ADCY8: variants seen among roughly 807,000 people sequenced by gnomAD.
The protein encoded by ADCY8 is adenylate cyclase 8.
ADCY8 carries 51 observed loss-of-function variants against 119.7 expected under a neutral mutation model. The ratio of observed to expected loss-of-function variants is 0.43; its 90% confidence interval spans 0.34 to 0.54. ADCY8 has a LOEUF of 0.54. Ranked by LOEUF, ADCY8 falls within the 20% of genes least tolerant of loss-of-function variation. The pLI, the probability that ADCY8 is intolerant of heterozygous loss-of-function variation, is 0.03. For synonymous variants in ADCY8, 665 were observed against 651.0 expected, an observed-to-expected ratio of 1.02 and a Z score of -0.33; for missense variants, 1,383 against 1,598.8, an observed-to-expected ratio of 0.87 and a Z score of 2.30.
At chr8:130,892,981 G>A (rs1305409196) in intron 7 of ADCY8, among the ~76,000 whole-genome samples, 1 of 152,112 alleles carries the variant, frequency 6.6e-6, no homozygotes, top group Admixed American at 6.6e-5. Context: ...GCTAATCCTA[G>A]ATGCTTGCCT....
At chr8:130,907,782 C>T (rs889920419) in intron 6 of ADCY8, among the ~76,000 whole-genome samples, 12 of 152,142 alleles carry the variant, frequency 7.9e-5, no homozygotes, top group African/African-American at 2.7e-4. Flanking sequence ...GGTATATGTG[C>T]AGCTTTGTTA....
At chr8:130,967,087 C>A (rs915826874) in intron 2 of ADCY8, among the ~76,000 whole-genome samples, 1 of 152,050 alleles carries the variant, frequency 6.6e-6, no homozygotes, top group African/African-American at 2.4e-5. Flanking sequence ...ATTTTTGTTG[C>A]CAAAATCTTG....
intron 9 of ADCY8, among the ~76,000 whole-genome samples, chr8:130,854,340 T>G (rs1476137590): frequency 6.6e-6 from 1 of 152,224 alleles, no homozygotes; most frequent in Non-Finnish European, 1.5e-5. Context: ...TTCTAGACAT[T>G]AAGTCCTAAT....
intron 2 of ADCY8, among the ~76,000 whole-genome samples, chr8:130,972,763 A>G (rs1821960532): frequency 6.6e-6 from 1 of 152,172 alleles, no homozygotes; most frequent in Non-Finnish European, 1.5e-5. Flanking sequence ...ACCTGTGAGA[A>G]GAAAGTAATT....
intron 2 of ADCY8, among the ~76,000 whole-genome samples, chr8:130,982,201 T>C (rs1048755272): frequency 2.6e-5 from 4 of 152,160 alleles, no homozygotes; most frequent in African/African-American, 9.7e-5. Flanking sequence ...TACAGGGAGA[T>C]CAGAGGCCAT....
At chr8:130,946,125 T>A (rs1821098944) in intron 3 of ADCY8, among the ~76,000 whole-genome samples, 1 of 152,210 alleles carries the variant, frequency 6.6e-6, no homozygotes, top group Non-Finnish European at 1.5e-5. Context: ...GCTACTAGTA[T>A]CCATCTGTCT....
intron 13 of ADCY8, among the ~76,000 whole-genome samples, chr8:130,819,935 G>A (rs529071087): frequency 6.6e-6 from 1 of 152,338 alleles, no homozygotes; most frequent in East Asian, 1.9e-4. Flanking sequence ...GTTCTGCTCT[G>A]ATCAGCCCAG....
At chr8:131,027,010 C>G (rs1299113826) in intron 1 of ADCY8, among the ~76,000 whole-genome samples, 2 of 152,176 alleles carry the variant, frequency 1.3e-5, no homozygotes, top group African/African-American at 4.8e-5. Context: ...AATCCACATC[C>G]TGTGCTATGA....
chr8:130,994,049 T>A (rs1822687689), intron 1 of ADCY8, among the ~76,000 whole-genome samples: 1 of 152,228 alleles, frequency 6.6e-6, no homozygotes. Context: ...TGCAGCTGAT[T>A]TGGGCACATG....
intron 6 of ADCY8, among the ~76,000 whole-genome samples, chr8:130,905,966 A>G (rs545947788): frequency 3.3e-5 from 5 of 152,200 alleles, no homozygotes; most frequent in Non-Finnish European, 7.4e-5. Context: ...ATCCCTCCTT[A>G]CAGAAAGAAT....
intron 2 of ADCY8, among the ~76,000 whole-genome samples, chr8:130,977,875 T>G (rs1822120493): frequency 7.2e-5 from 11 of 152,240 alleles, no homozygotes; most frequent in Admixed American, 7.2e-4. Flanking sequence ...TTGGGTGCAG[T>G]GGATCACATG....
intron 6 of ADCY8, among the ~76,000 whole-genome samples, chr8:130,905,405 G>A (rs944576670): frequency 1.6e-4 from 24 of 152,082 alleles, no homozygotes; most frequent in African/African-American, 5.8e-4. Context: ...CAGATTCAAC[G>A]TACTATTTGG....
At chr8:130,999,295 T>C (rs1267191485) in intron 1 of ADCY8, among the ~76,000 whole-genome samples, 19 of 152,184 alleles carry the variant, frequency 1.2e-4, no homozygotes, top group Non-Finnish European at 2.8e-4. Flanking sequence ...CTATGAATTC[T>C]TCTGGAACAG....
intron 9 of ADCY8, among the ~76,000 whole-genome samples, chr8:130,855,633 G>T (rs911128180): frequency 2.4e-4 from 36 of 151,636 alleles, no homozygotes; most frequent in East Asian, 1.4e-3. Context: ...GAAGTGTGAG[G>T]CTCGCTTCTC....
chr8:130,818,772 C>A (rs1387931986), intron 13 of ADCY8, among the ~76,000 whole-genome samples: 1 of 152,164 alleles, frequency 6.6e-6, no homozygotes, highest in Non-Finnish European at 1.5e-5. Flanking sequence ...TGAAGTGATA[C>A]AACCCTGCAG....
intron 9 of ADCY8, among the ~76,000 whole-genome samples, chr8:130,863,883 TAAA>T (rs1818027809): frequency 6.6e-6 from 1 of 152,182 alleles, no homozygotes; most frequent in South Asian, 2.1e-4. Context: ...AAGATTAAGA[TAAA>T]AACATTTTAC....
At chr8:130,899,521 G>T (rs1029081634) in intron 7 of ADCY8, among the ~76,000 whole-genome samples, 8 of 152,132 alleles carry the variant, frequency 5.3e-5, no homozygotes, top group African/African-American at 1.9e-4. Flanking sequence ...TGGAAGAATC[G>T]CTGGAACCCG....
intron 1 of ADCY8, among the ~76,000 whole-genome samples, chr8:130,992,827 G>A (rs1822642686): frequency 8.4e-6 from 1 of 119,624 alleles, no homozygotes; most frequent in Admixed American, 8.8e-5. Context: ...GGAGAGAATG[G>A]GGCTAAACTA....
In ADCY8 at chr8:131,040,543, C is replaced by T; in HGVS notation, c.-210G>A. ...GGGCACCTGGAAGATCGCGGCGGAC[C>T]TCGGCGTCCTTGCGTGCTGCTCTCC... On this transcript the variant is annotated 5_prime_UTR_variant, in exon 1 of 18. Coordinates refer to ENST00000286355, the MANE Select transcript of ADCY8 (RefSeq NM_001115.3). 2.1e-6 allele frequency: 1 copy of T among 470,898 alleles called. No individual in the cohort carries two copies. The highest frequency in any genetic ancestry group is 3.4e-6 in the Non-Finnish European group (1 of 290,582). 29.2% of individuals were successfully genotyped at this position (470,898 alleles called of 1,614,324 possible).
Sources: gnomAD v4.1 joint callset for allele counts (sites outside exome capture counted in the v4.1 genomes callset) on GRCh38, gnomAD v4.1.1 for gene constraint, MANE v1.5 for transcripts, NCBI Gene and HGNC (gene_info 2026-07-23, HGNC 2026-07-21) for gene names.